Variants in ACTN3 observed in about 807,000 individuals in gnomAD.
ACTN3 encodes actinin alpha 3, also known as alpha-actinin-3.
A neutral mutation model predicts 119.6 loss-of-function variants in ACTN3; 91 were observed. The ratio of observed to expected loss-of-function variants is 0.76; its 90% CI spans 0.64 to 0.91. The LOEUF (loss-of-function observed/expected upper bound fraction) is 0.91. Among genes scored for constraint, ACTN3 ranks in the 40% least tolerant of loss-of-function variants. ACTN3 has a pLI of 0.00. For synonymous variants in ACTN3, 456 were observed against 478.8 expected (o/e 0.95, Z 0.62); for missense variants, 1,221 against 1,215.1 (o/e 1.00, Z -0.07).
intron 7 of ACTN3, 30 bp downstream of exon 7, chr11:66,555,397 C>A (rs1857571223): frequency 6.2e-7 from 1 of 1,605,668 alleles, no homozygotes; most frequent in African/African-American, 1.3e-5. Flanking sequence ...GGGGAAGACC[C>A]CACATTCTCC....
Position 66,557,938 on chromosome 11 carries a change from T to G in ACTN3, c.1128+9T>G, listed in dbSNP as rs779151331. ...AGGGCAAGCTGGTCTCGGTGAGCTC[T>G]ACACACATTCCCTAGGTGACCTTGA... On this transcript the variant is annotated intron_variant, in intron 10 of 20. Transcript: ENST00000513398. 1 of 1,613,666 alleles carries G rather than the reference T, an allele frequency of 6.2e-7. No homozygotes were observed. Among genetic ancestry groups the G allele is most frequent in the East Asian group, 2.2e-5 (1 of 44,868 alleles).
Position 66,559,886 on chromosome 11 carries a change from G to A in ACTN3, c.1428-82G>A, listed in dbSNP as rs552254394. ...CCCGCACGCCTTCACCCCCATCCGG[G>A]GAGCAGGTTCCAGCCCTGGGAGTGC... On this transcript the variant is annotated intron_variant, in intron 12 of 20. Coordinates refer to ENST00000513398, the MANE Select transcript of ACTN3 (RefSeq NM_001104.4). 1.2e-4 allele frequency: 167 copies of A among 1,383,646 alleles called. No homozygotes were observed. In the African/African-American group the frequency reaches 2.1e-3, roughly 17 times the overall value. 85.7% of individuals were successfully genotyped at this position (1,383,646 alleles called of 1,614,324 possible). A position where few individuals can be genotyped will look rare whatever the true frequency, so the allele number is the denominator to read the frequency against.
rs368086463 is a variant in ACTN3, at chr11:66,560,226, G to A, written c.1592G>A (p.Arg531Gln). The change falls in exon 14 of 21, where the codon CGG (arginine) becomes CAG (glutamine). Residue 531 changes from arginine to glutamine, a missense_variant. Transcript: ENST00000513398. ...IDRLQLEFARRAAPFNNWLDG... is the reference protein window; with the variant it reads ...IDRLQLEFARQAAPFNNWLDG... The stretch of plus-strand genomic sequence containing the variant: ...CGGCTGCAACTGGAGTTTGCCCGGC[G>A]GGCCGCGCCCTTCAACAACTGGCTG... 37 of 1,612,126 alleles carry A rather than the reference G, an allele frequency of 2.3e-5. No individual in the cohort carries two copies. The highest frequency in any genetic ancestry group is 4.4e-5 in the South Asian group (4 of 90,602).
chr11:66,562,462 G>A (rs1489859532), intron 19 of ACTN3, 140 bp downstream of exon 19: 2 of 1,076,438 alleles, frequency 1.9e-6, no homozygotes, highest in Non-Finnish European at 2.8e-6. Context: ...CAAGGCTCAG[G>A]GAGGTAAAAC....
chr11:66,547,115 A>G, intron 1 of ACTN3, 31 bp downstream of exon 1: 1 of 1,475,494 alleles, frequency 6.8e-7, no homozygotes, highest in Non-Finnish European at 9.0e-7. Context: ...TGACAGCAAA[A>G]CCGAGGCCTG....
At chr11:66,553,163 A>T (rs1857513838) in intron 3 of ACTN3, among the ~76,000 whole-genome samples, 1 of 151,936 alleles carries the variant, frequency 6.6e-6, no homozygotes, top group Admixed American at 6.6e-5. Context: ...CTGAGGCAGA[A>T]GAATTGCTTG....
rs538140457 is a variant in ACTN3 at position 66,551,466 on chromosome 11, C to T, written c.263-62C>T. 63 of 1,579,636 alleles carry T rather than the reference C, an allele frequency of 4.0e-5. No individual in the cohort carries two copies. The East Asian group carries it at 7.7e-4, about 19-fold the overall frequency. On this transcript the variant is annotated intron_variant, in intron 2 of 20. Transcript: ENST00000513398. Reference sequence around the variant, plus strand: ...GACTTGGTGGGGAGGGGAGAGTTTGCGGACAATAGCTTCAGCTGCCTCTCA... The same window carrying T: ...GACTTGGTGGGGAGGGGAGAGTTTGTGGACAATAGCTTCAGCTGCCTCTCA...
At position 66,559,259 on chromosome 11, in the gene ACTN3, C is replaced by A. The variant is rs756933832; in HGVS notation, c.1300C>A (p.Arg434Ser). Residue 434 changes from arginine (R) to serine (S), a missense_variant, in exon 12 of 21, where the codon CGC (arginine) becomes AGC (serine). Arg to Ser is a moderately radical substitution (Grantham distance 110). Transcript: ENST00000513398. ...TRGKEEMLSQ[R>S]DYDSALLQEV... ...AGGAAAGGAGGAGATGCTGAGCCAG[C>A]GCGACTACGATTCGGCTTTGCTACA... is the stretch of plus-strand genomic sequence containing the variant. 34 of 1,559,754 alleles carry A rather than the reference C, an allele frequency of 2.2e-5. No individual in the cohort carries two copies. The highest frequency in any genetic ancestry group is 3.8e-5 in the Admixed American group (2 of 52,758).
chr11:66,559,417 A>G (rs1396203009), intron 12 of ACTN3, 31 bp downstream of exon 12: 3 of 1,443,566 alleles, frequency 2.1e-6, no homozygotes, highest in Non-Finnish European at 2.7e-6. Flanking sequence ...CCCGCCCCCA[A>G]CACCCCCGGC....
Position 66,557,823 on chromosome 11 carries a change from G to C in ACTN3, c.1022G>C (p.Arg341Pro). The change falls in exon 10 of 21, where the codon CGC becomes CCC. Residue 341 changes from arginine (R) to proline (P), a missense_variant. Transcript: ENST00000513398. ...RDYRRLHKPP[R>P]IQEKCQLEIN... ...TACCGGCGTCTGCACAAGCCGCCCC[G>C]CATTCAGGAAAAGTGCCAGCTGGAG... 1 of 1,614,054 alleles carries C rather than the reference G, an allele frequency of 6.2e-7. No homozygotes were observed. The highest frequency in any genetic ancestry group is 8.5e-7 in the Non-Finnish European group (1 of 1,179,976).
chr11:66,546,600 C>T, upstream of ACTN3: 1 of 1,535,630 alleles, frequency 6.5e-7, no homozygotes, highest in Non-Finnish European at 8.7e-7. Context: ...GGCCCGCGGC[C>T]ACTATTATTA....
chr11:66,547,679 C>G (rs1314446732), intron 1 of ACTN3, among the ~76,000 whole-genome samples: 1 of 152,306 alleles, frequency 6.6e-6, no homozygotes, highest in South Asian at 2.1e-4. Context: ...TCCCTACCCC[C>G]ATTCTTTCCC....
In ACTN3 at chr11:66,562,099, C is replaced by T. The variant is rs775628112; in HGVS notation, c.2253C>T (p.Thr751=). The stretch of plus-strand genomic sequence containing the variant: ...ATGAAGTGGAGAACCAGGTACTGAC[C>T]CGAGACGCCAAGGGACTGAGCCAGG... The part of the protein sequence containing the change: ...TINEVENQVL[T]RDAKGLSQEQ... The change falls in exon 18 of 21, where the codon ACC becomes ACT. Residue 751 remains threonine (T), a synonymous_variant. Coordinates refer to ENST00000513398, the MANE Select transcript of ACTN3 (RefSeq NM_001104.4). 1 of 1,613,984 alleles carries T rather than the reference C, an allele frequency of 6.2e-7. No individual in the cohort carries two copies. The highest frequency in any genetic ancestry group is 2.2e-5 in the East Asian group (1 of 44,864).
upstream of ACTN3, chr11:66,546,884 G>C (rs1857355095): frequency 2.0e-6 from 3 of 1,511,338 alleles, no homozygotes; most frequent in Non-Finnish European, 2.6e-6. Context: ...TACTTAATGG[G>C]GCCCGGGTGT....
intron 1 of ACTN3, among the ~76,000 whole-genome samples, chr11:66,547,643 C>A (rs913628471): frequency 5.3e-5 from 8 of 152,138 alleles, no homozygotes; most frequent in Admixed American, 4.6e-4. Context: ...ATCAGGACCC[C>A]CGCAACCTGA....
chr11:66,548,972 G>C (rs1205270368), intron 1 of ACTN3, among the ~76,000 whole-genome samples: 1 of 152,084 alleles, frequency 6.6e-6, no homozygotes, highest in Non-Finnish European at 1.5e-5. Flanking sequence ...TCTGCAACCA[G>C]CATGGACAGT....
rs772030609 is a variant in ACTN3 at position 66,551,241 on chromosome 11, C to T, written c.150C>T (p.Thr50=). 1 of 1,607,224 alleles carries T rather than the reference C, an allele frequency of 6.2e-7. No homozygotes were observed. Among genetic ancestry groups the T allele is most frequent in the East Asian group, 2.2e-5 (1 of 44,636 alleles). Residue 50 remains threonine (T), a splice_region_variant and synonymous_variant, in exon 2 of 21, where the codon ACC becomes ACT. Coordinates refer to ENST00000513398, the MANE Select transcript of ACTN3 (RefSeq NM_001104.4). The stretch of plus-strand genomic sequence containing the variant: ...TGAGTGCTGTCCTCTGCCCCTAGAC[C>T]TTCACTGCCTGGTGCAACTCACACC... The part of the protein sequence containing the change: ...DPAWEKQQRK[T]FTAWCNSHLR...
Position 66,556,231 on chromosome 11 carries a change from G to A in ACTN3, c.804+1G>A. On this transcript the variant is annotated splice_donor_variant, in intron 8 of 20. Coordinates refer to ENST00000513398, the MANE Select transcript of ACTN3 (RefSeq NM_001104.4). LOFTEE classifies it high-confidence loss of function. The stretch of plus-strand genomic sequence containing the variant: ...CCATGCCTTTGCCGGGGCTGAGCAG[G>A]TAAGGCGGCCCAACTGCTGCTGCCT... 1 of 1,613,426 alleles carries A rather than the reference G, an allele frequency of 6.2e-7. No homozygotes were observed. The highest frequency in any genetic ancestry group is 8.5e-7 in the Non-Finnish European group (1 of 1,179,710).
In ACTN3 at chr11:66,558,091, C is replaced by T. The variant is rs754847138; in HGVS notation, c.1193C>T (p.Ser398Leu). 17 of 1,613,638 alleles carry T rather than the reference C, an allele frequency of 1.1e-5. No homozygotes were observed. The highest frequency in any genetic ancestry group is 1.7e-5 in the Admixed American group (1 of 59,996). Reference sequence around the variant, plus strand: ...AAGGGCTATGAGGACTGGCTGCTCTCGGAGATCCGGCGCCTGCAGCGACTC... The same window carrying T: ...AAGGGCTATGAGGACTGGCTGCTCTTGGAGATCCGGCGCCTGCAGCGACTC... Reference protein sequence around the residue: ...VEKGYEDWLLSEIRRLQRLQH... With the variant: ...VEKGYEDWLLLEIRRLQRLQH... The change falls in exon 11 of 21, where the codon TCG becomes TTG. Residue 398 changes from serine to leucine, a missense_variant. Transcript: ENST00000513398.
Sources: allele counts gnomAD v4.1 joint callset (sites outside exome capture counted in the v4.1 genomes callset), GRCh38; gene constraint gnomAD v4.1.1; transcripts MANE v1.5; gene names NCBI Gene and HGNC (gene_info 2026-07-23, HGNC 2026-07-21).